Variants in ZNF211 observed in about 807,000 individuals in gnomAD.
The protein encoded by ZNF211 is zinc finger protein 211.
In ZNF211, 18 loss-of-function variants were observed where a neutral mutation model predicts 12.1. The ratio of observed to expected loss-of-function variants is 1.48; its 90% CI spans 1.03 to 2.20. The LOEUF (loss-of-function observed/expected upper bound fraction) is 2.20. Among genes scored for constraint, ZNF211 ranks in the 30% most tolerant of loss-of-function variants. The pLI is 0.00. For synonymous variants in ZNF211, 249 were observed against 246.0 expected (o/e 1.01, Z -0.11); for missense variants, 677 against 703.1 (o/e 0.96, Z 0.42).
At chr19:57,633,522 G>T (rs544726019) in intron 1 of ZNF211, 86 bp downstream of exon 1, 2 of 1,500,306 alleles carry the variant, frequency 1.3e-6, no homozygotes, top group Non-Finnish European at 1.8e-6. Flanking sequence ...TGTAGCACAG[G>T]GTCGGGGACA....
rs375274007 is a variant in ZNF211 at position 57,641,057 on chromosome 19, A to G, written c.610A>G (p.Arg204Gly). The change falls in exon 4 of 4, where the codon AGG (arginine) becomes GGG (glycine). Residue 204 changes from arginine (R) to glycine (G), a missense_variant. Arg to Gly is a moderately radical substitution (Grantham distance 125). Coordinates refer to ENST00000240731, the MANE Select transcript of ZNF211 (RefSeq NM_006385.5). ...SEKPFTCREI[R>G]KDFLANMRFL... Reference sequence around the variant, plus strand: ...GAAACCCTTTACCTGCAGGGAGATCAGGAAAGACTTCCTGGCCAACATGAG... The same window carrying G: ...GAAACCCTTTACCTGCAGGGAGATCGGGAAAGACTTCCTGGCCAACATGAG... 80 of 1,614,100 alleles carry G rather than the reference A, an allele frequency of 5.0e-5. No individual in the cohort carries two copies. Among genetic ancestry groups the G allele is most frequent in the Non-Finnish European group, 6.4e-5 (76 of 1,180,042 alleles).
chr19:57,634,026 C>A lies in ZNF211; in HGVS notation c.94C>A (p.Pro32Thr). 6.3e-7 allele frequency: 1 copy of A among 1,589,686 alleles called. No homozygotes were observed. Among genetic ancestry groups the A allele is most frequent in the Non-Finnish European group, 8.6e-7 (1 of 1,169,408 alleles). Residue 32 changes from proline to threonine, a missense_variant, in exon 2 of 4, where the codon CCC becomes ACC. Physicochemically the swap from Pro to Thr is conservative, Grantham distance 38. Coordinates refer to ENST00000240731, the MANE Select transcript of ZNF211 (RefSeq NM_006385.5). Reference protein sequence around the residue: ...ATALRDPASVPIATEVLFKLT... With the variant: ...ATALRDPASVTIATEVLFKLT... ...TGAGGCCTGCGTCTTTCCACAGGTT[C>A]CCATAGCTACAGAGGTGCTTTTCAA...
At chr19:57,635,201 G>A (rs772022062) in intron 3 of ZNF211, among the ~76,000 whole-genome samples, 1 of 152,164 alleles carries the variant, frequency 6.6e-6, no homozygotes, top group Non-Finnish European at 1.5e-5. Context: ...TACACAGACT[G>A]TTCTTATAGA....
Position 57,640,732 on chromosome 19 carries a change from A to T in ZNF211, c.285A>T (p.Glu95Asp), listed in dbSNP as rs1982781234. The T allele has an allele frequency of 6.2e-7, 1 of 1,614,166 alleles. No individual in the cohort carries two copies. ...GTTGGTGTGGAGTGGAACATGAGGA[A>T]ACACCTTCTGAACAGAGAATTTCTG... ...LGCWCGVEHEETPSEQRISGE... is the reference protein window; with the variant it reads ...LGCWCGVEHEDTPSEQRISGE... Residue 95 changes from glutamate to aspartate, a missense_variant, in exon 4 of 4, where the codon GAA (glutamate) becomes GAT (aspartate). By Grantham distance (45) the Glu-to-Asp change is conservative. Transcript: ENST00000240731.
intron 3 of ZNF211, among the ~76,000 whole-genome samples, chr19:57,637,385 A>G (rs766964961): frequency 2.0e-5 from 3 of 151,780 alleles, no homozygotes; most frequent in Non-Finnish European, 2.9e-5. Flanking sequence ...AAAGTGTTGC[A>G]TATTGTCTAA....
chr19:57,638,218 A>ATT (rs1982393348), intron 3 of ZNF211, among the ~76,000 whole-genome samples: 2 of 150,050 alleles, frequency 1.3e-5, no homozygotes, highest in African/African-American at 4.9e-5. Context: ...AATTTTGATA[A>ATT]CCTTTTCAAA....
Position 57,633,308 on chromosome 19 carries a change from G to A in ZNF211, c.-39G>A. 3 of 1,515,414 alleles carry A rather than the reference G, an allele frequency of 2.0e-6. No homozygotes were observed. Among genetic ancestry groups the A allele is most frequent in the Non-Finnish European group, 2.6e-6 (3 of 1,132,398 alleles). 93.9% of individuals were successfully genotyped at this position (1,515,414 alleles called of 1,614,324 possible). On this transcript the variant is annotated 5_prime_UTR_variant, in exon 1 of 4. Coordinates refer to ENST00000240731, the MANE Select transcript of ZNF211 (RefSeq NM_006385.5). ...GGCGCGAGAGTCAGGTCTGAGGGTC[G>A]GGGGCAGAGCCGCCCGCGAGGCCGG...
rs1181771321 is a variant in ZNF211, at chr19:57,641,254, T to G, written c.807T>G (p.Leu269=). 2 of 1,614,226 alleles carry G rather than the reference T, an allele frequency of 1.2e-6. No individual in the cohort carries two copies. Among genetic ancestry groups the G allele is most frequent in the Non-Finnish European group, 8.5e-7 (1 of 1,180,024 alleles). The stretch of plus-strand genomic sequence containing the variant: ...AGAGAATCCTCACTAGAGAAGGACT[T>G]TTTGAGTGCAGTAAATGTGGGAAAG... ...QDQRILTREG[L]FECSKCGKAC... is the part of the protein sequence containing the mutation. The change falls in exon 4 of 4, where the codon CTT becomes CTG. Residue 269 remains leucine, a synonymous_variant. Coordinates refer to ENST00000240731, the MANE Select transcript of ZNF211 (RefSeq NM_006385.5).
chr19:57,642,234 AC>A lies in ZNF211; in HGVS notation c.*55del. On this transcript the variant is annotated 3_prime_UTR_variant, in exon 4 of 4. Transcript: ENST00000240731. The stretch of plus-strand genomic sequence containing the variant: ...TAGTGTAATTATACTGAAGGAGTAC[AC>A]CTGTGAGAGAGACAAGTACCTGATT... 1 of 1,519,888 alleles carries A rather than the reference AC, an allele frequency of 6.6e-7. No homozygotes were observed. The highest frequency in any genetic ancestry group is 8.8e-7 in the Non-Finnish European group (1 of 1,133,504). The allele number at this position is 1,519,888 out of a possible 1,614,324, so 94.2% of individuals were successfully genotyped here.
Position 57,641,946 on chromosome 19 carries a change from G to A in ZNF211, c.1499G>A (p.Ser500Asn), listed in dbSNP as rs1983015445. The A allele has an allele frequency of 6.2e-7, 1 of 1,614,066 alleles. No individual in the cohort carries two copies. Among genetic ancestry groups the A allele is most frequent in the Admixed American group, 1.7e-5 (1 of 60,014 alleles). ...GERPVECSEC[S>N]KSFSCKSNLI... The stretch of plus-strand genomic sequence containing the variant: ...AGACCTGTTGAGTGCAGTGAATGTA[G>A]CAAATCCTTTAGCTGTAAATCTAAC... The change falls in exon 4 of 4, where the codon AGC becomes AAC. Residue 500 changes from serine (S) to asparagine (N), a missense_variant. Ser to Asn is a conservative substitution (Grantham distance 46, BLOSUM62 1). Transcript: ENST00000240731.
At chr19:57,636,486 T>A (rs1446795959) in intron 3 of ZNF211, among the ~76,000 whole-genome samples, 2 of 152,176 alleles carry the variant, frequency 1.3e-5, no homozygotes, top group African/African-American at 4.8e-5. Flanking sequence ...GTGTTAAAAA[T>A]TTGTCTTCTT....
At position 57,633,303 on chromosome 19, in the gene ZNF211, G is replaced by A. The variant is rs1419519715; in HGVS notation, c.-44G>A. 6.7e-7 allele frequency: 1 copy of A among 1,500,506 alleles called. No individual in the cohort carries two copies. Among genetic ancestry groups the A allele is most frequent in the East Asian group, 2.4e-5 (1 of 41,348 alleles). The allele number at this position is 1,500,506 out of a possible 1,614,324, so 92.9% of individuals were successfully genotyped here. A position where few individuals can be genotyped will look rare whatever the true frequency, so the allele number is the denominator to read the frequency against. ...GTGAAGGCGCGAGAGTCAGGTCTGA[G>A]GGTCGGGGGCAGAGCCGCCCGCGAG... On this transcript the variant is annotated 5_prime_UTR_variant, in exon 1 of 4. Transcript: ENST00000240731.
intron 3 of ZNF211, chr19:57,635,072 G>T: frequency 1.7e-6 from 1 of 587,864 alleles, no homozygotes; most frequent in Non-Finnish European, 2.1e-6. Flanking sequence ...ATTTATTTGT[G>T]CTAGACTGTG....
At position 57,641,143 on chromosome 19, in the gene ZNF211, G is replaced by A. The variant is rs150549935; in HGVS notation, c.696G>A (p.Ala232=). ...AGCCAAATAACAGTAACAAGTGTGC[G>A]GTGGCCTTTTACAGTGGAAAAAGTC... The part of the protein sequence containing the change: ...GEKPNNSNKC[A]VAFYSGKSHH... The change falls in exon 4 of 4, where the codon GCG becomes GCA. Residue 232 remains alanine (A), a synonymous_variant. Transcript: ENST00000240731. 2.8e-4 allele frequency: 445 copies of A among 1,614,148 alleles called. 5 individuals are homozygous for A. In the South Asian group the frequency reaches 3.9e-3, roughly 14 times the overall value.
In ZNF211 at chr19:57,642,956, G is replaced by A. The variant is rs1244175464; in HGVS notation, c.*775G>A. On this transcript the variant is annotated 3_prime_UTR_variant, in exon 4 of 4. Coordinates refer to ENST00000240731, the MANE Select transcript of ZNF211 (RefSeq NM_006385.5). Reference sequence around the variant, plus strand: ...AATCTGAATTTGAATTATTGCCCAAGGCCTTCTAGGAAATACTGCAGGATA... The same window carrying A: ...AATCTGAATTTGAATTATTGCCCAAAGCCTTCTAGGAAATACTGCAGGATA... 6.6e-6 allele frequency among the ~76,000 whole-genome samples: 1 copy of A among 152,082 alleles called. No homozygotes were observed. Among genetic ancestry groups the A allele is most frequent in the African/African-American group, 2.4e-5 (1 of 41,414 alleles).
chr19:57,633,546 G>T (rs1981713201), intron 1 of ZNF211, 110 bp downstream of exon 1: 2 of 1,495,826 alleles, frequency 1.3e-6, no homozygotes, highest in African/African-American at 1.4e-5. Context: ...AGGCTCGTGG[G>T]TGGGGCCCCT....
chr19:57,638,660 G>A (rs951365365), intron 3 of ZNF211, among the ~76,000 whole-genome samples: 2 of 152,150 alleles, frequency 1.3e-5, no homozygotes, highest in African/African-American at 4.8e-5. Context: ...GAATGTTTTT[G>A]GTACACATGA....
intron 3 of ZNF211, among the ~76,000 whole-genome samples, chr19:57,637,191 T>G (rs1410330593): frequency 6.6e-6 from 1 of 151,392 alleles, no homozygotes; most frequent in Admixed American, 6.6e-5. Flanking sequence ...CTTGCCTAAT[T>G]GCTATGTTGA....
rs184629863 is a variant in ZNF211 at position 57,633,946 on chromosome 19, G to A, written c.91-77G>A. 34 of 1,606,768 alleles carry A rather than the reference G, an allele frequency of 2.1e-5. No individual in the cohort carries two copies. In the African/African-American group the frequency reaches 4.1e-4, roughly 20 times the overall value. On this transcript the variant is annotated intron_variant, in intron 1 of 3. Coordinates refer to ENST00000240731, the MANE Select transcript of ZNF211 (RefSeq NM_006385.5). Reference sequence around the variant, plus strand: ...CAAAGTTACGTGGCTCTGGGCCGGGGCAAGGGTACAGGGAAGGCCTGTGCC... The same window carrying A: ...CAAAGTTACGTGGCTCTGGGCCGGGACAAGGGTACAGGGAAGGCCTGTGCC...
Sources: gnomAD v4.1 joint callset for allele counts (sites outside exome capture counted in the v4.1 genomes callset) on GRCh38, gnomAD v4.1.1 for gene constraint, MANE v1.5 for transcripts, NCBI Gene and HGNC (gene_info 2026-07-23, HGNC 2026-07-21) for gene names.